Variants in RFX7 observed in about 807,000 individuals in gnomAD.
RFX7 encodes the protein DNA-binding protein RFX7.
RFX7 carries 26 observed loss-of-function variants against 111.8 expected under a neutral mutation model. The observed-to-expected ratio is 0.23, with a 90% CI of 0.17 to 0.32. The LOEUF (loss-of-function observed/expected upper bound fraction) is 0.32, where lower values mean the gene tolerates loss of function less well. Among genes scored for constraint, RFX7 ranks in the 10% least tolerant of loss-of-function variants. The pLI is 1.00. For missense variants in RFX7, 1,573 were observed against 1,772.9 expected (o/e 0.89, Z 2.02); for synonymous variants, 624 against 624.4 (o/e 1.00, Z 0.01).
intron 2 of RFX7, among the ~76,000 whole-genome samples, chr15:56,185,972 T>A (rs1287314242): frequency 1.3e-5 from 2 of 152,200 alleles, no homozygotes; most frequent in Admixed American, 6.5e-5. Flanking sequence ...AGTTTCACAT[T>A]TGTCTCTGCT....
At chr15:56,123,018 C>T (rs555883381) in intron 5 of RFX7, among the ~76,000 whole-genome samples, 4 of 152,090 alleles carry the variant, frequency 2.6e-5, no homozygotes, top group African/African-American at 4.8e-5. Flanking sequence ...GGCCTGGAAT[C>T]GGGGACCCCA....
In RFX7 at chr15:56,178,166, T is replaced by TAC. The variant is rs140828561; in HGVS notation, c.195+1102_195+1103dup. ...AAAAAAAACTCGAAAACCAAAAAAC[T>TAC]ACACACACACACACACACACACACA... On this transcript the variant is annotated intron_variant, in intron 3 of 9. Coordinates refer to ENST00000559447, the MANE Select transcript of RFX7 (RefSeq NM_022841.7). Among the ~76,000 whole-genome samples the TAC allele has an allele frequency of 5.6e-3, 671 of 119,642 alleles. 4 individuals are homozygous for TAC. Among genetic ancestry groups the TAC allele is most frequent in the African/African-American group, 0.012 (364 of 30,196 alleles). 78.5% of individuals were successfully genotyped at this position (119,642 alleles called of 152,430 possible). A position where few individuals can be genotyped will look rare whatever the true frequency, so the allele number is the denominator to read the frequency against.
chr15:56,214,843 A>G lies in RFX7; in HGVS notation c.161+28282T>C, dbSNP rs181849041. On this transcript the variant is annotated intron_variant, in intron 2 of 9. Coordinates refer to ENST00000559447, the MANE Select transcript of RFX7 (RefSeq NM_022841.7). ...ATTTTTATTGTATACAGAAATGCAA[A>G]TGACTTTTGCTACATTATCTTCGTA... Among the ~76,000 whole-genome samples the G allele has an allele frequency of 1.7e-3, 256 of 152,336 alleles. 2 individuals carry two copies. The highest frequency in any genetic ancestry group is 5.9e-3 in the African/African-American group (246 of 41,568).
chr15:56,213,813 G>T (rs2043335953), intron 2 of RFX7, among the ~76,000 whole-genome samples: 1 of 152,102 alleles, frequency 6.6e-6, no homozygotes, highest in African/African-American at 2.4e-5. Flanking sequence ...CCTGATATGT[G>T]CATTTGTATC....
intron 5 of RFX7, among the ~76,000 whole-genome samples, chr15:56,133,730 C>T (rs1268911800): frequency 1.3e-5 from 2 of 152,102 alleles, no homozygotes; most frequent in Admixed American, 1.3e-4. Context: ...TTTTCTAATA[C>T]TTTGATCTAC....
chr15:56,135,173 C>T (rs1172908764), intron 5 of RFX7, among the ~76,000 whole-genome samples: 4 of 152,088 alleles, frequency 2.6e-5, no homozygotes, highest in African/African-American at 9.7e-5. Flanking sequence ...AGTTCTAGAT[C>T]CCTGAGGAAT....
At chr15:56,152,756 A>G (rs546270876) in intron 3 of RFX7, among the ~76,000 whole-genome samples, 1 of 151,282 alleles carries the variant, frequency 6.6e-6, no homozygotes, top group African/African-American at 2.4e-5. Flanking sequence ...AAAAAAAATC[A>G]ATGAATCCAG....
chr15:56,232,606 C>T (rs1420167233), intron 2 of RFX7, among the ~76,000 whole-genome samples: 1 of 152,176 alleles, frequency 6.6e-6, no homozygotes, highest in Non-Finnish European at 1.5e-5. Flanking sequence ...TTTTCTAATA[C>T]ATCGTCAGGC....
chr15:56,182,321 A>C (rs2042983289), intron 2 of RFX7, among the ~76,000 whole-genome samples: 1 of 152,084 alleles, frequency 6.6e-6, no homozygotes, highest in South Asian at 2.1e-4. Flanking sequence ...AGAAAATTGA[A>C]AGCCCTTCTG....
intron 2 of RFX7, among the ~76,000 whole-genome samples, chr15:56,201,800 A>G (rs1228150973): frequency 1.3e-5 from 2 of 152,078 alleles, no homozygotes; most frequent in Admixed American, 6.5e-5. Context: ...GGAGGCCGAG[A>G]TGGGCAGATC....
chr15:56,111,591 G>A (rs1170421802), intron 5 of RFX7, among the ~76,000 whole-genome samples: 4 of 141,402 alleles, frequency 2.8e-5, no homozygotes, highest in African/African-American at 1.1e-4. Context: ...CTCCACTATT[G>A]TCCTGTGACC....
chr15:56,146,454 G>T (rs2042473726), intron 3 of RFX7, among the ~76,000 whole-genome samples: 1 of 151,782 alleles, frequency 6.6e-6, no homozygotes, highest in African/African-American at 2.4e-5. Flanking sequence ...TTAAGAGAAG[G>T]TTATAATAAT....
intron 5 of RFX7, among the ~76,000 whole-genome samples, chr15:56,116,616 G>C (rs145186857): frequency 6.6e-6 from 1 of 152,130 alleles, no homozygotes; most frequent in African/African-American, 2.4e-5. Context: ...ACTTAAATAG[G>C]TTCTCCGCAG....
intron 8 of RFX7, among the ~76,000 whole-genome samples, chr15:56,099,555 A>G (rs982242108): frequency 1.3e-5 from 2 of 152,124 alleles, no homozygotes; most frequent in Admixed American, 6.5e-5. Flanking sequence ...GTTTTGAGAC[A>G]GGAATGAGTT....
intron 3 of RFX7, among the ~76,000 whole-genome samples, chr15:56,158,817 CAACAA>C (rs1188368190): frequency 1.3e-5 from 2 of 151,818 alleles, no homozygotes; most frequent in African/African-American, 4.8e-5. Flanking sequence ...GACCCTGTCT[CAACAA>C]AACAAAACAA....
At chr15:56,126,442 CATT>C (rs1295237594) in intron 5 of RFX7, among the ~76,000 whole-genome samples, 2 of 152,170 alleles carry the variant, frequency 1.3e-5, no homozygotes, top group Non-Finnish European at 2.9e-5. Context: ...AAACAATTGT[CATT>C]ATTTCACTTG....
At position 56,122,694 on chromosome 15, in the gene RFX7, G is replaced by C. The variant is rs141360904; in HGVS notation, c.402-19024C>G. 1.2e-3 allele frequency among the ~76,000 whole-genome samples: 185 copies of C among 152,230 alleles called. 1 individual carries two copies. Among genetic ancestry groups the C allele is most frequent in the African/African-American group, 4.2e-3 (173 of 41,542 alleles). ...GCAGGATTTGGATCCAGAAACCTTA[G>C]AAATCTACCTGGTGCTTTATCCTAC... On this transcript the variant is annotated intron_variant, in intron 5 of 9. Coordinates refer to ENST00000559447, the MANE Select transcript of RFX7 (RefSeq NM_022841.7).
chr15:56,243,299 TG>T lies in RFX7; in HGVS notation c.-2-13del. ...TTCCTCTGCCATCGCTGCAGAGGGG[TG>T]GGAGGGAGGGAGGGAAAGATGGGGG... is the stretch of plus-strand genomic sequence containing the variant. On this transcript the variant is annotated splice_polypyrimidine_tract_variant and intron_variant, in intron 1 of 9. Transcript: ENST00000559447. The T allele has an allele frequency of 5.4e-5, 3 of 55,136 alleles. No homozygotes were observed. The highest frequency in any genetic ancestry group is 1.0e-4 in the Non-Finnish European group (3 of 28,684). The allele number at this position is 55,136 out of a possible 1,614,324, so 3.4% of individuals were successfully genotyped here. A position where few individuals can be genotyped will look rare whatever the true frequency, so the allele number is the denominator to read the frequency against.
At chr15:56,243,329 G>T in intron 1 of RFX7, 42 bp from the exon 2 acceptor site, 1 of 1,051,756 alleles carries the variant, frequency 9.5e-7, no homozygotes, top group Non-Finnish European at 1.2e-6. Flanking sequence ...ATGGGGGCGC[G>T]GGGAAGGGTG....
Sources: gnomAD v4.1 joint callset for allele counts (sites outside exome capture counted in the v4.1 genomes callset) on GRCh38, gnomAD v4.1.1 for gene constraint, MANE v1.5 for transcripts, NCBI Gene and HGNC (gene_info 2026-07-23, HGNC 2026-07-21) for gene names.